The following MTDH variants were observed in gnomAD, a reference collection of about 807,000 sequenced individuals.
MTDH encodes the protein metadherin.
A neutral mutation model predicts 72.7 loss-of-function variants in MTDH; 34 were observed. The ratio of observed to expected loss-of-function variants is 0.47; its 90% confidence interval spans 0.36 to 0.62. The LOEUF is 0.62. Among genes scored for constraint, MTDH ranks in the 20% least tolerant of loss-of-function variants. The pLI, the probability that MTDH is intolerant of heterozygous loss-of-function variation, is 0.00. For missense variants in MTDH, 677 were observed against 699.4 expected (o/e 0.97, Z 0.36); for synonymous variants, 266 against 268.9 (o/e 0.99, Z 0.10).
chr8:97,697,381 G>GT (rs755015450), intron 6 of MTDH, among the ~76,000 whole-genome samples: 3,506 of 80,188 alleles, frequency 0.044, 29 homozygotes, highest in Non-Finnish European at 0.056. Flanking sequence ...TATTATTTCG[G>GT]TTTTTTTTTT....
chr8:97,711,356 A>C (rs1814626015), intron 8 of MTDH, among the ~76,000 whole-genome samples: 1 of 151,600 alleles, frequency 6.6e-6, no homozygotes, highest in South Asian at 2.1e-4. Context: ...AAAAAAAAGA[A>C]AAATCAGCCT....
chr8:97,683,464 C>CA (rs1401786951), intron 2 of MTDH, among the ~76,000 whole-genome samples: 1 of 151,952 alleles, frequency 6.6e-6, no homozygotes, highest in Non-Finnish European at 1.5e-5. Flanking sequence ...GACATGATCA[C>CA]AGCTCACTTC....
At chr8:97,721,645 G>A (rs1815130871) in intron 10 of MTDH, among the ~76,000 whole-genome samples, 1 of 152,110 alleles carries the variant, frequency 6.6e-6, no homozygotes, top group Non-Finnish European at 1.5e-5. Context: ...AGAGCTAATA[G>A]GTGAAATGAT....
At chr8:97,692,129 C>A (rs1367914296) in intron 6 of MTDH, among the ~76,000 whole-genome samples, 2 of 152,232 alleles carry the variant, frequency 1.3e-5, no homozygotes, top group Non-Finnish European at 2.9e-5. Flanking sequence ...GATCTGCCAG[C>A]CTCGGCCTCC....
intron 7 of MTDH, among the ~76,000 whole-genome samples, chr8:97,704,530 C>T (rs1814267889): frequency 6.6e-6 from 1 of 152,050 alleles, no homozygotes; most frequent in Non-Finnish European, 1.5e-5. Flanking sequence ...ATCACTTGAG[C>T]CCCAGGAGGT....
intron 6 of MTDH, among the ~76,000 whole-genome samples, chr8:97,696,676 A>ATTT: frequency 6.6e-6 from 1 of 152,170 alleles, no homozygotes; most frequent in Non-Finnish European, 1.5e-5. Context: ...TAACCCTTTC[A>ATTT]GGTTATGGAT....
At chr8:97,720,441 G>A (rs1297477072) in intron 10 of MTDH, among the ~76,000 whole-genome samples, 3 of 151,748 alleles carry the variant, frequency 2.0e-5, no homozygotes, top group Non-Finnish European at 4.4e-5. Context: ...GCTGGGTGTA[G>A]TGGTGTGTGC....
intron 6 of MTDH, among the ~76,000 whole-genome samples, chr8:97,698,747 C>T (rs1586261335): frequency 6.6e-6 from 1 of 152,216 alleles, no homozygotes; most frequent in South Asian, 2.1e-4. Flanking sequence ...TCTGAGGATA[C>T]ATAGCCCTGA....
Position 97,644,874 on chromosome 8 carries a change from C to G in MTDH, c.368C>G (p.Ser123Cys). ...AAGAAGAAGAACCGGAAGAAACTGT[C>G]CGAGAAGCCCAAAGTGAGTATGGGA... ...EQKKKNRKKL[S>C]EKPKPNGRTV... The change falls in exon 1 of 12, where the codon TCC becomes TGC. Residue 123 changes from serine to cysteine, a missense_variant. Transcript: ENST00000336273. 1 of 1,562,838 alleles carries G rather than the reference C, an allele frequency of 6.4e-7. No individual in the cohort carries two copies. Among genetic ancestry groups the G allele is most frequent in the Non-Finnish European group, 8.6e-7 (1 of 1,163,950 alleles).
chr8:97,665,053 C>T (rs941744934), intron 2 of MTDH, among the ~76,000 whole-genome samples: 12 of 152,182 alleles, frequency 7.9e-5, no homozygotes, highest in African/African-American at 2.9e-4. Context: ...TGAGCCAGTA[C>T]ACCCGGCCTG....
intron 2 of MTDH, among the ~76,000 whole-genome samples, chr8:97,662,197 CTT>C (rs144732695): frequency 2.1e-5 from 3 of 141,858 alleles, no homozygotes; most frequent in African/African-American, 2.6e-5. Flanking sequence ...CCTCCCTTTC[CTT>C]TTTTTTTTTT....
At chr8:97,687,294 CA>C in intron 3 of MTDH, 134 bp from the exon 4 acceptor site, 3 of 625,446 alleles carry the variant, frequency 4.8e-6, no homozygotes, top group Non-Finnish European at 7.5e-6. Flanking sequence ...TTAATATAAT[CA>C]ACACTCTTGG....
Position 97,718,028 on chromosome 8 carries a change from G to A in MTDH, c.1381-1021G>A, listed in dbSNP as rs192095546. Reference sequence around the variant, plus strand: ...GCCTCCCAAAGTGCTGGGATTACAGGCATGAGCCACAGCACCCGGCCTAAT... The same window carrying A: ...GCCTCCCAAAGTGCTGGGATTACAGACATGAGCCACAGCACCCGGCCTAAT... On this transcript the variant is annotated intron_variant, in intron 9 of 11. Coordinates refer to ENST00000336273, the MANE Select transcript of MTDH (RefSeq NM_178812.4). Among the ~76,000 whole-genome samples the A allele has an allele frequency of 9.8e-3, 1,488 of 151,226 alleles. 11 individuals are homozygous for A. The highest frequency in any genetic ancestry group is 0.031 in the Middle Eastern group (9 of 288).
intron 1 of MTDH, among the ~76,000 whole-genome samples, chr8:97,657,345 A>C (rs1260335657): frequency 1.3e-5 from 2 of 152,222 alleles, no homozygotes; most frequent in African/African-American, 4.8e-5. Flanking sequence ...GCTATATATG[A>C]AATAACTTTG....
At chr8:97,675,409 A>C (rs1359297140) in intron 2 of MTDH, among the ~76,000 whole-genome samples, 1 of 151,792 alleles carries the variant, frequency 6.6e-6, no homozygotes, top group Non-Finnish European at 1.5e-5. Context: ...AAAAATACAA[A>C]CATTAGTTGG....
chr8:97,706,599 C>T lies in MTDH; in HGVS notation c.1148-27C>T, dbSNP rs112246196. 4.7e-5 allele frequency: 71 copies of T among 1,495,768 alleles called. 1 individual carries two copies. The highest frequency in any genetic ancestry group is 2.6e-4 in the African/African-American group (18 of 69,732). 92.7% of individuals were successfully genotyped at this position (1,495,768 alleles called of 1,614,324 possible). On this transcript the variant is annotated intron_variant, in intron 7 of 11. Transcript: ENST00000336273. Reference sequence around the variant, plus strand: ...TTTAATTTATGGCAAAAATGATAGACGCCTAATTCACACTGTTAAATTTTA... The same window carrying T: ...TTTAATTTATGGCAAAAATGATAGATGCCTAATTCACACTGTTAAATTTTA...
intron 2 of MTDH, among the ~76,000 whole-genome samples, chr8:97,668,750 TC>T (rs1278901889): frequency 6.6e-6 from 1 of 152,082 alleles, no homozygotes; most frequent in Non-Finnish European, 1.5e-5. Flanking sequence ...AGATGGGATT[TC>T]ACCATGTTGG....
intron 2 of MTDH, among the ~76,000 whole-genome samples, chr8:97,666,688 C>T (rs1412257434): frequency 6.6e-6 from 1 of 152,118 alleles, no homozygotes; most frequent in Non-Finnish European, 1.5e-5. Context: ...CAAACTTCCA[C>T]TCATTATATT....
In MTDH at chr8:97,708,581, CTTTTTTTTTTTTTTTTTTT is replaced by C. The variant is rs1174573079; in HGVS notation, c.1272+1851_1272+1869del. Among the ~76,000 whole-genome samples, 7 of 30,258 alleles carry C rather than the reference CTTTTTTTTTTTTTTTTTTT, an allele frequency of 2.3e-4. 1 individual carries two copies. In the South Asian group the frequency reaches 4.4e-3, roughly 19 times the overall value. 19.9% of individuals were successfully genotyped at this position (30,258 alleles called of 152,430 possible). ...ACAGGCATGAGCCACCATGCCAGGCCTTTTTTTTTTTTTTTTTTTTTTTTTTTTTTTTTTTTTTGAGATG... is the reference window on the plus strand; with the variant it reads ...ACAGGCATGAGCCACCATGCCAGGCCTTTTTTTTTTTTTTTTTTTGAGATG... On this transcript the variant is annotated intron_variant, in intron 8 of 11. Coordinates refer to ENST00000336273, the MANE Select transcript of MTDH (RefSeq NM_178812.4).
Sources: allele counts gnomAD v4.1 joint callset (sites outside exome capture counted in the v4.1 genomes callset), GRCh38; gene constraint gnomAD v4.1.1; transcripts MANE v1.5; gene names NCBI Gene and HGNC (gene_info 2026-07-23, HGNC 2026-07-21).